The following CLIC4 variants were observed in gnomAD, a reference collection of about 807,000 sequenced individuals.
CLIC4 encodes the protein chloride intracellular channel protein 4.
Under a neutral mutation model 24.6 loss-of-function variants are expected in CLIC4, and 13 were observed. That is an observed-to-expected ratio of 0.53 (90% CI 0.34 to 0.84). The LOEUF is 0.84. CLIC4 is among the 40% of genes least tolerant of loss of function. The pLI, the probability that CLIC4 is intolerant of heterozygous loss-of-function variation, is 0.01. For missense variants in CLIC4, 227 were observed against 301.7 expected (o/e 0.75, Z 1.83); for synonymous variants, 104 against 111.3 (o/e 0.93, Z 0.41).
chr1:24,782,873 A>G (rs984033945), intron 1 of CLIC4, among the ~76,000 whole-genome samples: 3 of 152,114 alleles, frequency 2.0e-5, no homozygotes, highest in African/African-American at 7.2e-5. Flanking sequence ...TAGCTACTGC[A>G]GAGGCTGTGG....
chr1:24,763,399 G>A (rs1311575291), intron 1 of CLIC4, among the ~76,000 whole-genome samples: 1 of 151,896 alleles, frequency 6.6e-6, no homozygotes, highest in African/African-American at 2.4e-5. Context: ...AATTAGCCGG[G>A]CGTTGTGGCG....
chr1:24,790,774 C>T (rs2124123829), intron 1 of CLIC4, among the ~76,000 whole-genome samples: 1 of 152,210 alleles, frequency 6.6e-6, no homozygotes, highest in East Asian at 1.9e-4. Flanking sequence ...AGTATTCTGG[C>T]AGAGACATTA....
intron 1 of CLIC4, among the ~76,000 whole-genome samples, chr1:24,778,539 C>A (rs533523579): frequency 1.3e-5 from 2 of 151,646 alleles, no homozygotes; most frequent in African/African-American, 4.8e-5. Flanking sequence ...TTTTTTCTTT[C>A]TTTCATTTGT....
chr1:24,829,997 T>C (rs1304817511), intron 4 of CLIC4, among the ~76,000 whole-genome samples: 2 of 152,364 alleles, frequency 1.3e-5, no homozygotes, highest in African/African-American at 2.4e-5. Context: ...CTTGAAAATA[T>C]GGTTTTATCC....
Position 24,749,166 on chromosome 1 carries a change from A to G in CLIC4, c.72+3541A>G, listed in dbSNP as rs189805375. Among the ~76,000 whole-genome samples, 171 of 151,968 alleles carry G rather than the reference A, an allele frequency of 1.1e-3. 1 individual carries two copies. Among genetic ancestry groups the G allele is most frequent in the Middle Eastern group, 3.4e-3 (1 of 292 alleles). ...GAGGCGGTGGTTGCAGTGAGCCGAGATAGTGCCACTGCACCCCAGCCTGGG... is the reference window on the plus strand; with the variant it reads ...GAGGCGGTGGTTGCAGTGAGCCGAGGTAGTGCCACTGCACCCCAGCCTGGG... On this transcript the variant is annotated intron_variant, in intron 1 of 5. Coordinates refer to ENST00000374379, the MANE Select transcript of CLIC4 (RefSeq NM_013943.3).
intron 1 of CLIC4, among the ~76,000 whole-genome samples, chr1:24,782,152 A>C (rs1639212856): frequency 6.6e-6 from 1 of 152,232 alleles, no homozygotes; most frequent in Admixed American, 6.5e-5. Flanking sequence ...AGACTAAAGC[A>C]AGAGAACATC....
At chr1:24,791,138 A>C (rs979693296) in intron 1 of CLIC4, among the ~76,000 whole-genome samples, 1 of 152,222 alleles carries the variant, frequency 6.6e-6, no homozygotes, top group Non-Finnish European at 1.5e-5. Flanking sequence ...AAAATAATGA[A>C]TATAACTGTT....
At chr1:24,816,701 G>T (rs946947734) in intron 3 of CLIC4, among the ~76,000 whole-genome samples, 1 of 152,214 alleles carries the variant, frequency 6.6e-6, no homozygotes, top group East Asian at 1.9e-4. Context: ...CAGAATGGAT[G>T]TTGTGTTAGC....
At chr1:24,754,862 AG>A (rs1191103746) in intron 1 of CLIC4, among the ~76,000 whole-genome samples, 9 of 152,014 alleles carry the variant, frequency 5.9e-5, no homozygotes, top group Non-Finnish European at 1.0e-4. Context: ...GCCTGAGGTC[AG>A]GAGTTCAAGG....
intron 1 of CLIC4, among the ~76,000 whole-genome samples, chr1:24,765,353 G>A (rs1037889796): frequency 3.3e-5 from 5 of 151,776 alleles, no homozygotes; most frequent in Admixed American, 2.6e-4. Flanking sequence ...ATTTTTTTCC[G>A]TGCACAGGCT....
chr1:24,797,928 C>G, intron 2 of CLIC4, 77 bp downstream of exon 2: 3 of 929,108 alleles, frequency 3.2e-6, no homozygotes, highest in Non-Finnish European at 5.1e-6. Flanking sequence ...ACCTTGATGG[C>G]ACATATTCTC....
In CLIC4 at chr1:24,781,309, AT is replaced by A. The variant is rs540750422; in HGVS notation, c.73-16419del. Among the ~76,000 whole-genome samples, 351 of 140,216 alleles carry A rather than the reference AT, an allele frequency of 2.5e-3. 1 individual carries two copies. Among genetic ancestry groups the A allele is most frequent in the African/African-American group, 7.1e-3 (269 of 37,976 alleles). 92.0% of individuals were successfully genotyped at this position (140,216 alleles called of 152,430 possible). A position where few individuals can be genotyped will look rare whatever the true frequency, so the allele number is the denominator to read the frequency against. On this transcript the variant is annotated intron_variant, in intron 1 of 5. Transcript: ENST00000374379. The stretch of plus-strand genomic sequence containing the variant: ...GCCACCATGCCCGGCAAATTTTTGT[AT>A]TTTTTTTTTTTTTAGTAGAGATGGG...
intron 1 of CLIC4, among the ~76,000 whole-genome samples, chr1:24,765,868 G>A (rs1399073011): frequency 6.9e-6 from 1 of 145,744 alleles, no homozygotes; most frequent in Admixed American, 7.1e-5. Flanking sequence ...CTGGAGAGCA[G>A]TGACGCCATC....
chr1:24,818,921 C>G (rs1307210511), intron 3 of CLIC4, among the ~76,000 whole-genome samples: 1 of 151,554 alleles, frequency 6.6e-6, no homozygotes, highest in Non-Finnish European at 1.5e-5. Context: ...ATGTTATACA[C>G]ATACTATACA....
rs776269696 is a variant in CLIC4, at chr1:24,840,840, C to G, written c.665C>G (p.Thr222Ser). The change falls in exon 6 of 6, where the codon ACT (threonine) becomes AGT (serine). Residue 222 changes from threonine to serine, a missense_variant. By Grantham distance (58) the Thr-to-Ser change is moderately conservative. Transcript: ENST00000374379. ...KEMTGIWRYL[T>S]NAYSRDEFTN... is the part of the protein sequence containing the mutation. ...ATGACTGGCATCTGGAGATACCTAA[C>G]TAATGCATACAGTAGGGACGAGTTC... 5 of 1,612,642 alleles carry G rather than the reference C, an allele frequency of 3.1e-6. No individual in the cohort carries two copies. The Admixed American group carries it at 6.7e-5, about 22-fold the overall frequency.
At chr1:24,821,339 CCTTGAAAA>C (rs1639729357) in intron 3 of CLIC4, among the ~76,000 whole-genome samples, 1 of 152,054 alleles carries the variant, frequency 6.6e-6, no homozygotes, top group Non-Finnish European at 1.5e-5. Context: ...TTAAATTGGA[CCTTGAAAA>C]CAAACATTTT....
intron 4 of CLIC4, among the ~76,000 whole-genome samples, chr1:24,837,493 T>C (rs1005581518): frequency 1.3e-5 from 2 of 152,208 alleles, no homozygotes; most frequent in African/African-American, 4.8e-5. Context: ...TACTTTCATA[T>C]ACCTTTCCAG....
In CLIC4 at chr1:24,757,374, CT is replaced by C. The variant is rs375724779; in HGVS notation, c.72+11750del. 1.6e-3 allele frequency among the ~76,000 whole-genome samples: 244 copies of C among 152,282 alleles called. 1 individual carries two copies. The highest frequency in any genetic ancestry group is 5.5e-3 in the African/African-American group (228 of 41,550). The stretch of plus-strand genomic sequence containing the variant: ...TTGTGAATTCTCTGCATGTTTTCTT[CT>C]GCTAACAACCAGTTACTTTATTTTG... On this transcript the variant is annotated intron_variant, in intron 1 of 5. Transcript: ENST00000374379.
chr1:24,835,653 C>T (rs190678171), intron 4 of CLIC4, among the ~76,000 whole-genome samples: 60 of 152,120 alleles, frequency 3.9e-4, no homozygotes, highest in Non-Finnish European at 7.2e-4. Context: ...TAATGGGGTT[C>T]TAAGGTCTTT....
Sources: allele counts gnomAD v4.1 joint callset (sites outside exome capture counted in the v4.1 genomes callset), GRCh38; gene constraint gnomAD v4.1.1; transcripts MANE v1.5; gene names NCBI Gene and HGNC (gene_info 2026-07-23, HGNC 2026-07-21).